NCK1: variants seen among roughly 807,000 people sequenced by gnomAD.
NCK1 encodes the protein NCK adaptor protein 1.
NCK1 carries 19 observed loss-of-function variants against 36.6 expected under a neutral mutation model. That is an observed-to-expected ratio of 0.52 (90% CI 0.36 to 0.76). The LOEUF (loss-of-function observed/expected upper bound fraction) is 0.76. Among genes scored for constraint, NCK1 ranks in the 30% least tolerant of loss-of-function variants. The pLI, the probability that NCK1 is intolerant of heterozygous loss-of-function variation, is 0.00. For missense variants in NCK1, 358 were observed against 445.6 expected (o/e 0.80, Z 1.77); for synonymous variants, 165 against 156.0 (o/e 1.06, Z -0.43).
chr3:136,885,807 A>G (rs903418543), intron 1 of NCK1, among the ~76,000 whole-genome samples: 1 of 152,220 alleles, frequency 6.6e-6, no homozygotes. Context: ...GGGTTTGTAG[A>G]GGGAGAAAAG....
At chr3:136,904,631 A>C (rs577253421) in intron 1 of NCK1, among the ~76,000 whole-genome samples, 2 of 152,308 alleles carry the variant, frequency 1.3e-5, no homozygotes, top group Admixed American at 6.5e-5. Flanking sequence ...GCTGTGAAGA[A>C]GACCTTTTTG....
chr3:136,864,160 G>GA (rs1938341460), intron 1 of NCK1, among the ~76,000 whole-genome samples: 1 of 151,680 alleles, frequency 6.6e-6, no homozygotes, highest in Non-Finnish European at 1.5e-5. Flanking sequence ...CCAGGTTTCT[G>GA]CAGTGCTTTC....
chr3:136,890,910 G>C (rs1447435742), intron 1 of NCK1, among the ~76,000 whole-genome samples: 13 of 152,012 alleles, frequency 8.6e-5, no homozygotes, highest in Non-Finnish European at 1.9e-4. Flanking sequence ...CCAACCTCTG[G>C]CAATCACCAT....
rs149230834 is a variant in NCK1 at position 136,917,970 on chromosome 3, G to C, written c.-18-10014G>C. On this transcript the variant is annotated intron_variant, in intron 1 of 3. Coordinates refer to ENST00000481752, the MANE Select transcript of NCK1 (RefSeq NM_001291999.2). ...GTAAATTTCTTGTGTTGCTTCTCTG[G>C]ATCTGTCCTGTTTTATACCTGACAC... is the stretch of plus-strand genomic sequence containing the variant. Among the ~76,000 whole-genome samples, 521 of 152,218 alleles carry C rather than the reference G, an allele frequency of 3.4e-3. 2 individuals carry two copies. The highest frequency in any genetic ancestry group is 0.012 in the African/African-American group (497 of 41,526).
intron 1 of NCK1, among the ~76,000 whole-genome samples, chr3:136,913,277 G>A (rs1366876270): frequency 6.6e-6 from 1 of 152,014 alleles, no homozygotes; most frequent in Non-Finnish European, 1.5e-5. Flanking sequence ...GTTTTTGTGT[G>A]TGCTTGTTTT....
intron 1 of NCK1, among the ~76,000 whole-genome samples, chr3:136,890,827 T>C (rs181515886): frequency 1.9e-3 from 282 of 152,336 alleles, no homozygotes; most frequent in African/African-American, 6.5e-3. Flanking sequence ...ACCACCTGTT[T>C]GCATAAGTTT....
At chr3:136,904,164 T>A (rs1004509819) in intron 1 of NCK1, among the ~76,000 whole-genome samples, 1 of 152,154 alleles carries the variant, frequency 6.6e-6, no homozygotes, top group African/African-American at 2.4e-5. Flanking sequence ...TTTAAAAAAA[T>A]TATTTTTTTA....
intron 2 of NCK1, among the ~76,000 whole-genome samples, chr3:136,934,521 T>C (rs1302480140): frequency 1.3e-5 from 2 of 151,886 alleles, no homozygotes; most frequent in African/African-American, 2.4e-5. Context: ...CCCAACCTCA[T>C]GTGATCCATC....
intron 1 of NCK1, among the ~76,000 whole-genome samples, chr3:136,886,047 G>A (rs1939066087): frequency 6.6e-6 from 1 of 152,130 alleles, no homozygotes; most frequent in Admixed American, 6.6e-5. Flanking sequence ...GCATTTATAA[G>A]GCAGGTGCCC....
Position 136,945,616 on chromosome 3 carries a change from C to T in NCK1, c.260C>T (p.Pro87Leu), listed in dbSNP as rs1374887016. The change falls in exon 3 of 4, where the codon CCA (proline) becomes CTA (leucine). Residue 87 changes from proline (P) to leucine (L), a missense_variant. This residue lies in a region of NCK1 where 143 missense variants were observed against 162.4 expected (regional missense o/e 0.88). Coordinates refer to ENST00000481752, the MANE Select transcript of NCK1 (RefSeq NM_001291999.2). ...IGKVKRKPSVPDSASPADDSF... is the reference protein window; with the variant it reads ...IGKVKRKPSVLDSASPADDSF... ...AAAGTGAAAAGAAAACCTAGTGTGC[C>T]AGATTCTGCATCTCCTGCTGATGAT... 2 of 1,612,436 alleles carry T rather than the reference C, an allele frequency of 1.2e-6. No homozygotes were observed. Among genetic ancestry groups the T allele is most frequent in the Non-Finnish European group, 1.7e-6 (2 of 1,178,980 alleles).
intron 1 of NCK1, among the ~76,000 whole-genome samples, chr3:136,866,865 G>A (rs1377204160): frequency 6.7e-5 from 10 of 149,796 alleles, no homozygotes; most frequent in Non-Finnish European, 1.5e-4. Context: ...CACATGCGTC[G>A]GCTTCCCAAA....
intron 1 of NCK1, among the ~76,000 whole-genome samples, chr3:136,866,946 C>T (rs1938431786): frequency 6.6e-6 from 1 of 151,456 alleles, no homozygotes; most frequent in Non-Finnish European, 1.5e-5. Flanking sequence ...TTTTTTTCTC[C>T]TAAATTACCA....
intron 1 of NCK1, among the ~76,000 whole-genome samples, chr3:136,910,348 C>G (rs1939801978): frequency 6.6e-6 from 1 of 152,094 alleles, no homozygotes; most frequent in Non-Finnish European, 1.5e-5. Flanking sequence ...TCCCTACCCC[C>G]TTTTGGTTAT....
intron 1 of NCK1, among the ~76,000 whole-genome samples, chr3:136,910,856 G>A (rs1939814226): frequency 6.6e-6 from 1 of 152,096 alleles, no homozygotes. Flanking sequence ...TCACTGTGCT[G>A]TGCAATAGGC....
chr3:136,878,216 C>T (rs893305547), intron 1 of NCK1, among the ~76,000 whole-genome samples: 1 of 152,108 alleles, frequency 6.6e-6, no homozygotes, highest in Non-Finnish European at 1.5e-5. Flanking sequence ...TGAGACCAGC[C>T]TGGCCAACAT....
rs752774458 is a variant in NCK1 at position 136,945,660 on chromosome 3, G to T, written c.304G>T (p.Glu102Ter). The part of the protein sequence containing the change: ...PADDSFVDPG[E>*]RLYDLNMPAY... ...TGATGATAGTTTTGTTGACCCAGGG[G>T]AACGTCTCTATGACCTCAACATGCC... The change falls in exon 3 of 4, where the codon GAA (glutamate) becomes TAA (stop). Residue 102 changes from glutamate (E) to a stop codon, truncating the protein, a stop_gained. Transcript: ENST00000481752. LOFTEE classifies it high-confidence loss of function. The T allele has an allele frequency of 6.2e-7, 1 of 1,614,110 alleles. No individual in the cohort carries two copies. Among genetic ancestry groups the T allele is most frequent in the Non-Finnish European group, 8.5e-7 (1 of 1,179,994 alleles).
intron 1 of NCK1, among the ~76,000 whole-genome samples, chr3:136,884,428 C>T (rs545749902): frequency 1.3e-5 from 2 of 152,134 alleles, no homozygotes; most frequent in African/African-American, 4.8e-5. Flanking sequence ...TGATAGAGTA[C>T]AGCTTTGAGT....
At chr3:136,894,176 T>TACCAA (rs1939332943) in intron 1 of NCK1, among the ~76,000 whole-genome samples, 1 of 152,170 alleles carries the variant, frequency 6.6e-6, no homozygotes. Context: ...AAGTGGTGGT[T>TACCAA]GTGGCTTTAG....
intron 1 of NCK1, among the ~76,000 whole-genome samples, chr3:136,865,047 C>T (rs1249054771): frequency 3.9e-5 from 6 of 152,028 alleles, no homozygotes; most frequent in African/African-American, 1.4e-4. Flanking sequence ...CAACCTCTGC[C>T]TGCCGGGTTC....
Sources: allele counts gnomAD v4.1 joint callset (sites outside exome capture counted in the v4.1 genomes callset), GRCh38; gene constraint gnomAD v4.1.1; regional missense constraint gnomAD v4.1.1; transcripts MANE v1.5; gene names NCBI Gene and HGNC (gene_info 2026-07-23, HGNC 2026-07-21).